Variants in SNAP23 observed in about 807,000 individuals in gnomAD.
SNAP23 encodes synaptosome associated protein 23, also known as synaptosomal-associated protein 23.
SNAP23 carries 11 observed loss-of-function variants against 29.0 expected under a neutral mutation model. The ratio of observed to expected loss-of-function variants is 0.38; its 90% CI spans 0.24 to 0.63. The LOEUF is 0.63. Ranked by LOEUF, SNAP23 falls within the 20% of genes least tolerant of loss-of-function variation. SNAP23 has a pLI of 0.58. For synonymous variants in SNAP23, 60 were observed against 82.9 expected (o/e 0.72, Z 1.50); for missense variants, 220 against 253.9 (o/e 0.87, Z 0.91).
At chr15:42,524,867 A>C (rs903077816) in intron 5 of SNAP23, among the ~76,000 whole-genome samples, 4 of 152,228 alleles carry the variant, frequency 2.6e-5, no homozygotes, top group African/African-American at 7.2e-5. Flanking sequence ...AACTTGGTGG[A>C]GGAAACTCCA....
At chr15:42,500,877 A>G (rs1489707514) in intron 1 of SNAP23, among the ~76,000 whole-genome samples, 5 of 152,190 alleles carry the variant, frequency 3.3e-5, no homozygotes, top group African/African-American at 7.2e-5. Context: ...TTGGGTTTCA[A>G]TTTAGGTTGT....
At chr15:42,496,722 A>G (rs919526711) in intron 1 of SNAP23, among the ~76,000 whole-genome samples, 16 of 152,134 alleles carry the variant, frequency 1.1e-4, no homozygotes, top group Admixed American at 9.8e-4. Flanking sequence ...AACTCAAAAA[A>G]AAACAAAAAG....
intron 5 of SNAP23, among the ~76,000 whole-genome samples, chr15:42,526,927 T>C (rs2057509070): frequency 6.6e-6 from 1 of 151,674 alleles, no homozygotes; most frequent in South Asian, 2.1e-4. Context: ...AACCTCCGCC[T>C]CCTGGGTTCA....
At chr15:42,509,157 C>T (rs868399264) in intron 1 of SNAP23, among the ~76,000 whole-genome samples, 13 of 152,084 alleles carry the variant, frequency 8.5e-5, no homozygotes, top group Admixed American at 2.6e-4. Context: ...TCTCCATTTA[C>T]TTTTTGTAGT....
chr15:42,502,093 T>C (rs2057276228), intron 1 of SNAP23, among the ~76,000 whole-genome samples: 1 of 150,382 alleles, frequency 6.6e-6, no homozygotes, highest in Non-Finnish European at 1.5e-5. Context: ...AGTGGCGCGA[T>C]CTTGGCTGAC....
chr15:42,497,280 C>T (rs1407930948), intron 1 of SNAP23, among the ~76,000 whole-genome samples: 1 of 147,568 alleles, frequency 6.8e-6, no homozygotes, highest in Non-Finnish European at 1.5e-5. Flanking sequence ...GCGATCTTGG[C>T]TCACTGCGAC....
intron 1 of SNAP23, among the ~76,000 whole-genome samples, chr15:42,496,111 C>G (rs144342230): frequency 1.8e-4 from 27 of 152,254 alleles, no homozygotes; most frequent in African/African-American, 6.3e-4. Context: ...AGCCCTTGCT[C>G]TCTAGAAAGG....
At position 42,532,599 on chromosome 15, in the gene SNAP23, T is replaced by C. The variant is rs2057577343; in HGVS notation, c.*1121T>C. The stretch of plus-strand genomic sequence containing the variant: ...TGAAGAAAAAATATGTAAATATATA[T>C]GTGTAACATGAGAATTTCTCTCTAA... On this transcript the variant is annotated 3_prime_UTR_variant, in exon 8 of 8. Coordinates refer to ENST00000249647, the MANE Select transcript of SNAP23 (RefSeq NM_003825.4). The C allele has an allele frequency of 2.0e-5, 3 of 152,664 alleles. No homozygotes were observed. The highest frequency in any genetic ancestry group is 1.3e-4 in the Admixed American group (2 of 15,284). The allele number at this position is 152,664 out of a possible 1,614,324, so 9.5% of individuals were successfully genotyped here. A position where few individuals can be genotyped will look rare whatever the true frequency, so the allele number is the denominator to read the frequency against.
chr15:42,518,656 C>T (rs1003015504), intron 5 of SNAP23, among the ~76,000 whole-genome samples: 1 of 151,996 alleles, frequency 6.6e-6, no homozygotes, highest in Non-Finnish European at 1.5e-5. Flanking sequence ...TGGGCTCAGG[C>T]AGTCTACCCA....
At chr15:42,506,049 G>A (rs1022693461) in intron 1 of SNAP23, among the ~76,000 whole-genome samples, 1 of 149,340 alleles carries the variant, frequency 6.7e-6, no homozygotes, top group Admixed American at 6.7e-5. Context: ...GGGTTCAAAC[G>A]ATTCTCCTGC....
At chr15:42,529,306 A>C (rs539361279) in intron 6 of SNAP23, among the ~76,000 whole-genome samples, 15 of 152,174 alleles carry the variant, frequency 9.9e-5, no homozygotes, top group African/African-American at 3.4e-4. Context: ...CATTAGAACC[A>C]CTTGAGGGGC....
At chr15:42,506,947 T>G (rs1165028881) in intron 1 of SNAP23, among the ~76,000 whole-genome samples, 7 of 151,892 alleles carry the variant, frequency 4.6e-5, no homozygotes, top group Non-Finnish European at 1.5e-5. Flanking sequence ...GCCTCCTGAG[T>G]AGCTGGGACT....
At chr15:42,509,192 G>A (rs1006183554) in intron 1 of SNAP23, among the ~76,000 whole-genome samples, 1 of 152,098 alleles carries the variant, frequency 6.6e-6, no homozygotes, top group Admixed American at 6.6e-5. Context: ...AGTGACAAAA[G>A]AGGAACAGTA....
upstream of SNAP23, chr15:42,491,332 C>T (rs552015167): frequency 4.6e-5 from 7 of 152,532 alleles, no homozygotes; most frequent in Admixed American, 1.3e-4. Context: ...AACAGCCTCC[C>T]TGGTCCCTTT....
At chr15:42,495,115 G>A (rs1215337016), upstream of SNAP23, 1 of 152,180 alleles carries the variant, frequency 6.6e-6, no homozygotes, top group Non-Finnish European at 1.5e-5. Flanking sequence ...GACATAAGCT[G>A]TTCCCCAGAG....
At chr15:42,494,153 C>T (rs1440917191), upstream of SNAP23, among the ~76,000 whole-genome samples, 1 of 152,054 alleles carries the variant, frequency 6.6e-6, no homozygotes, top group African/African-American at 2.4e-5. Flanking sequence ...CTTGATCCTT[C>T]ATCATTCTCC....
At chr15:42,521,570 C>T (rs1455157633) in intron 5 of SNAP23, 1 of 1,522,640 alleles carries the variant, frequency 6.6e-7, no homozygotes, top group Non-Finnish European at 8.8e-7. Flanking sequence ...ATTTCATTCT[C>T]TCACCTAATC....
intron 1 of SNAP23, among the ~76,000 whole-genome samples, chr15:42,506,670 AGAG>A (rs1349661944): frequency 6.6e-6 from 1 of 152,208 alleles, no homozygotes; most frequent in Non-Finnish European, 1.5e-5. Flanking sequence ...AGTCTGTAGA[AGAG>A]ATAAAATTTC....
intron 7 of SNAP23, among the ~76,000 whole-genome samples, chr15:42,530,774 C>T (rs182329568): frequency 2.0e-4 from 30 of 152,280 alleles, no homozygotes; most frequent in African/African-American, 7.0e-4. Flanking sequence ...AAAAGAAAGT[C>T]ATACCTCATT....
Sources: allele counts gnomAD v4.1 joint callset (sites outside exome capture counted in the v4.1 genomes callset), GRCh38; gene constraint gnomAD v4.1.1; transcripts MANE v1.5; gene names NCBI Gene and HGNC (gene_info 2026-07-23, HGNC 2026-07-21).